The following TSHZ2 variants were observed in gnomAD, a reference collection of about 807,000 sequenced individuals.
The protein encoded by TSHZ2 is teashirt homolog 2.
In TSHZ2, 21 loss-of-function variants were observed where a neutral mutation model predicts 74.4. That is an observed-to-expected ratio of 0.28 (90% CI 0.20 to 0.41). The LOEUF (loss-of-function observed/expected upper bound fraction) is 0.41. TSHZ2 is among the 10% of genes least tolerant of loss of function. TSHZ2 has a pLI of 1.00. For missense variants in TSHZ2, 1,244 were observed against 1,293.5 expected, an observed-to-expected ratio of 0.96 and a Z score of 0.59; for synonymous variants, 540 against 515.3, an observed-to-expected ratio of 1.05 and a Z score of -0.65.
Position 53,476,145 on chromosome 20 carries a change from C to T in TSHZ2, c.*9-10999C>T, listed in dbSNP as rs187558179. Among the ~76,000 whole-genome samples, 155 of 146,584 alleles carry T rather than the reference C, an allele frequency of 1.1e-3. 5 individuals are homozygous for T. In the East Asian group the frequency reaches 0.028, roughly 27 times the overall value. On this transcript the variant is annotated intron_variant, in intron 2 of 2. Transcript: ENST00000371497. ...ATCAATAGAAAAAGAGAGAATCCTC[C>T]CTAACTCTTTTTATGAGGCCAGCAT... is the stretch of plus-strand genomic sequence containing the variant.
At chr20:53,209,247 C>G (rs1055807183) in intron 1 of TSHZ2, among the ~76,000 whole-genome samples, 7 of 152,030 alleles carry the variant, frequency 4.6e-5, no homozygotes, top group African/African-American at 1.7e-4. Flanking sequence ...GCAACCATGC[C>G]TGGCTAATTT....
chr20:53,457,247 G>T (rs1390829415), intron 2 of TSHZ2, among the ~76,000 whole-genome samples: 3 of 145,616 alleles, frequency 2.1e-5, no homozygotes, highest in Admixed American at 1.4e-4. Flanking sequence ...GCAGCAGTTT[G>T]TAGTTCTCCT....
intron 2 of TSHZ2, among the ~76,000 whole-genome samples, chr20:53,477,999 A>G (rs1178540789): frequency 7.0e-6 from 1 of 142,066 alleles, no homozygotes; most frequent in Non-Finnish European, 1.5e-5. Context: ...AATCATTAAA[A>G]AGTCAGGAAA....
At chr20:53,409,834 C>CTTTTTTTTTT (rs71194475) in intron 2 of TSHZ2, among the ~76,000 whole-genome samples, 16 of 49,336 alleles carry the variant, frequency 3.2e-4, no homozygotes, top group African/African-American at 5.2e-4. Flanking sequence ...GTTTTCTTTT[C>CTTTTTTTTTT]TTTTTTTTTT....
intron 1 of TSHZ2, among the ~76,000 whole-genome samples, chr20:53,141,895 C>G (rs1022408310): frequency 6.6e-6 from 1 of 152,216 alleles, no homozygotes; most frequent in Admixed American, 6.5e-5. Context: ...ACGCTGAGGT[C>G]GCCCTTCCCA....
At chr20:53,124,327 C>T (rs1156591338) in intron 1 of TSHZ2, among the ~76,000 whole-genome samples, 1 of 152,226 alleles carries the variant, frequency 6.6e-6, no homozygotes, top group African/African-American at 2.4e-5. Context: ...GATTTAGTCC[C>T]AATCACTTGA....
intron 1 of TSHZ2, among the ~76,000 whole-genome samples, chr20:53,160,700 G>T (rs919519719): frequency 1.4e-5 from 2 of 147,022 alleles, no homozygotes; most frequent in Admixed American, 6.8e-5. Flanking sequence ...AGCTGAGATT[G>T]TGCCACTGCA....
At chr20:53,262,208 TTC>T (rs1451477488) in intron 2 of TSHZ2, among the ~76,000 whole-genome samples, 1 of 145,224 alleles carries the variant, frequency 6.9e-6, no homozygotes, top group Non-Finnish European at 1.5e-5. Context: ...TTCCTTGCAT[TTC>T]TCTTTGTCTT....
chr20:53,225,380 A>G (rs1989661410), intron 1 of TSHZ2, among the ~76,000 whole-genome samples: 1 of 152,214 alleles, frequency 6.6e-6, no homozygotes, highest in Non-Finnish European at 1.5e-5. Flanking sequence ...GGTCTTGTAC[A>G]TAGTAGGCTT....
intron 2 of TSHZ2, among the ~76,000 whole-genome samples, chr20:53,461,933 T>C (rs960691910): frequency 1.3e-5 from 2 of 152,118 alleles, no homozygotes; most frequent in African/African-American, 2.4e-5. Flanking sequence ...AAAACTGAAT[T>C]CTAAAAGAGA....
intron 2 of TSHZ2, among the ~76,000 whole-genome samples, chr20:53,404,912 T>C (rs1982787425): frequency 6.6e-6 from 1 of 152,214 alleles, no homozygotes; most frequent in South Asian, 2.1e-4. Flanking sequence ...AATTCTATTA[T>C]CTGACTGCTT....
chr20:52,987,498 CCTCT>C (rs1981817532), intron 1 of TSHZ2, among the ~76,000 whole-genome samples: 1 of 149,156 alleles, frequency 6.7e-6, no homozygotes, highest in Non-Finnish European at 1.5e-5. Flanking sequence ...TCTCTCTTTC[CCTCT>C]CTCTTTCTCC....
At chr20:53,001,246 G>GTGTGTA in intron 1 of TSHZ2, among the ~76,000 whole-genome samples, 1 of 149,582 alleles carries the variant, frequency 6.7e-6, no homozygotes, top group Non-Finnish European at 1.5e-5. Flanking sequence ...GTGTGTGTGT[G>GTGTGTA]TGTGTGTGTT....
intron 2 of TSHZ2, among the ~76,000 whole-genome samples, chr20:53,361,152 A>ACC (rs1225859550): frequency 6.6e-6 from 1 of 151,728 alleles, no homozygotes; most frequent in Non-Finnish European, 1.5e-5. Context: ...AATAAAGAAC[A>ACC]CCCCCCAAAG....
chr20:53,215,868 CAAA>C (rs78963941), intron 1 of TSHZ2, among the ~76,000 whole-genome samples: 4 of 83,816 alleles, frequency 4.8e-5, no homozygotes, highest in Non-Finnish European at 5.3e-5. Context: ...AACTCCGTCT[CAAA>C]AAAAAAAAAA....
chr20:53,070,641 T>C (rs1461228084), intron 1 of TSHZ2, among the ~76,000 whole-genome samples: 2 of 152,146 alleles, frequency 1.3e-5, no homozygotes, highest in African/African-American at 2.4e-5. Flanking sequence ...CATACAGTGA[T>C]GTGTGTGTGT....
chr20:53,100,199 C>T (rs1458769407), intron 1 of TSHZ2, among the ~76,000 whole-genome samples: 2 of 152,144 alleles, frequency 1.3e-5, no homozygotes. Flanking sequence ...TTGATTTGCA[C>T]TCGTGGACTC....
intron 1 of TSHZ2, among the ~76,000 whole-genome samples, chr20:53,142,919 T>G (rs1435791019): frequency 6.6e-6 from 1 of 152,214 alleles, no homozygotes; most frequent in African/African-American, 2.4e-5. Flanking sequence ...GCGTGTTTTT[T>G]GCTTACTTGC....
chr20:53,291,965 A>G (rs908203872), intron 2 of TSHZ2, among the ~76,000 whole-genome samples: 1 of 151,368 alleles, frequency 6.6e-6, no homozygotes, highest in African/African-American at 2.4e-5. Flanking sequence ...AAATATAGAT[A>G]TCACAGAAAG....
Sources: allele counts gnomAD v4.1 joint callset (sites outside exome capture counted in the v4.1 genomes callset), GRCh38; gene constraint gnomAD v4.1.1; transcripts MANE v1.5; gene names NCBI Gene and HGNC (gene_info 2026-07-23, HGNC 2026-07-21).